The following N4BP1 variants were observed in gnomAD, a reference collection of about 807,000 sequenced individuals.
N4BP1 encodes the protein NEDD4 binding protein 1, also known as NEDD4-binding protein 1.
In N4BP1, 21 loss-of-function variants were observed where a neutral mutation model predicts 70.9. The observed-to-expected ratio is 0.30, with a 90% CI of 0.21 to 0.43. The LOEUF (loss-of-function observed/expected upper bound fraction) is 0.43, where lower values mean the gene tolerates loss of function less well. Ranked by LOEUF, N4BP1 falls within the 20% of genes least tolerant of loss-of-function variation. The pLI is 1.00. For synonymous variants in N4BP1, 387 were observed against 394.6 expected (o/e 0.98, Z 0.23); for missense variants, 936 against 1,069.4 (o/e 0.88, Z 1.74).
intron 1 of N4BP1, among the ~76,000 whole-genome samples, chr16:48,563,045 G>A (rs1344255678): frequency 6.6e-6 from 1 of 151,722 alleles, no homozygotes; most frequent in Non-Finnish European, 1.5e-5. Flanking sequence ...GTTTTCTAAA[G>A]AAAACCAGAC....
intron 1 of N4BP1, among the ~76,000 whole-genome samples, chr16:48,600,921 A>AGG (rs757057323): frequency 2.0e-5 from 3 of 152,252 alleles, no homozygotes; most frequent in African/African-American, 4.8e-5. Context: ...CAATTGGATA[A>AGG]TGGCACTAGG....
chr16:48,602,991 C>T (rs1167890929), intron 1 of N4BP1, among the ~76,000 whole-genome samples: 1 of 151,844 alleles, frequency 6.6e-6, no homozygotes, highest in Non-Finnish European at 1.5e-5. Context: ...CACACACACA[C>T]ACGCACGCAC....
At chr16:48,553,513 A>G (rs769064270) in intron 3 of N4BP1, 26 bp downstream of exon 3, 1 of 1,522,402 alleles carries the variant, frequency 6.6e-7, no homozygotes. Flanking sequence ...TTTCACTAGA[A>G]ATCTGAAAAA....
chr16:48,601,319 T>C (rs1252916171), intron 1 of N4BP1, among the ~76,000 whole-genome samples: 1 of 152,228 alleles, frequency 6.6e-6, no homozygotes, highest in African/African-American at 2.4e-5. Flanking sequence ...GAACAAACTT[T>C]ATTTTTCTAG....
chr16:48,609,021 C>G (rs1300049435), intron 1 of N4BP1, among the ~76,000 whole-genome samples: 2 of 149,348 alleles, frequency 1.3e-5, no homozygotes, highest in South Asian at 2.2e-4. Flanking sequence ...TCGAGACCTG[C>G]CCGGGCAACA....
At position 48,561,031 on chromosome 16, in the gene N4BP1, T is replaced by G. The variant is rs200098399; in HGVS notation, c.1612A>C (p.Met538Leu). 6.2e-7 allele frequency: 1 copy of G among 1,614,002 alleles called. No homozygotes were observed. The highest frequency in any genetic ancestry group is 8.5e-7 in the Non-Finnish European group (1 of 1,179,880). Residue 538 changes from methionine (M) to leucine (L), a missense_variant, in exon 2 of 7, where the codon ATG (methionine) becomes CTG (leucine). Physicochemically the swap from Met to Leu is conservative, Grantham distance 15. Transcript: ENST00000262384. ...AAACGTTTTTCACAGGCAGATTTCA[T>G]ATTATTTGGAAGCAAGGGTTCTGGC... ...QQPEPLLPNN[M>L]KSACEKRLGC... is the part of the protein sequence containing the mutation.
At chr16:48,606,367 T>C (rs1277555618) in intron 1 of N4BP1, among the ~76,000 whole-genome samples, 2 of 152,208 alleles carry the variant, frequency 1.3e-5, no homozygotes, top group Non-Finnish European at 2.9e-5. Context: ...CTTCTCAAAA[T>C]CCTCACTGAC....
intron 1 of N4BP1, among the ~76,000 whole-genome samples, chr16:48,565,394 T>C (rs1963927047): frequency 1.3e-5 from 2 of 152,308 alleles, no homozygotes; most frequent in Middle Eastern, 3.4e-3. Flanking sequence ...ACTCCATCAA[T>C]TGATATAATC....
chr16:48,556,636 C>A (rs1324210735), intron 2 of N4BP1, among the ~76,000 whole-genome samples: 1 of 152,042 alleles, frequency 6.6e-6, no homozygotes, highest in Non-Finnish European at 1.5e-5. Context: ...TGGTTGTTTG[C>A]CATATTATAG....
chr16:48,600,257 T>G (rs1271568287), intron 1 of N4BP1: 2 of 1,007,878 alleles, frequency 2.0e-6, no homozygotes, highest in Non-Finnish European at 3.1e-6. Flanking sequence ...TCAGATTTTG[T>G]AAATCTAAAT....
chr16:48,564,166 G>A (rs548682321), intron 1 of N4BP1, among the ~76,000 whole-genome samples: 150 of 152,224 alleles, frequency 9.9e-4, no homozygotes, highest in Admixed American at 3.2e-3. Context: ...TTTTCTCCTG[G>A]TCTGTAGTTT....
intron 2 of N4BP1, among the ~76,000 whole-genome samples, chr16:48,554,272 CTCTGTCAT>C (rs1963719732): frequency 6.6e-6 from 1 of 152,030 alleles, no homozygotes; most frequent in Non-Finnish European, 1.5e-5. Flanking sequence ...GCCACACAGT[CTCTGTCAT>C]ACCACCCAAC....
chr16:48,546,058 A>AT lies in N4BP1; in HGVS notation c.2333+88dup, dbSNP rs369838494. On this transcript the variant is annotated intron_variant, in intron 6 of 6. Coordinates refer to ENST00000262384, the MANE Select transcript of N4BP1 (RefSeq NM_153029.4). ...AAAAAAAAATAATTTTTTTAATGTCATTTTTAGTCTATAAAGACAGCACTT... is the reference window on the plus strand; with the variant it reads ...AAAAAAAAATAATTTTTTTAATGTCATTTTTTAGTCTATAAAGACAGCACTT... 6.4e-6 allele frequency: 5 copies of AT among 776,932 alleles called. No homozygotes were observed. The Admixed American group carries it at 1.2e-4, about 18-fold the overall frequency. The allele number at this position is 776,932 out of a possible 1,614,324, so 48.1% of individuals were successfully genotyped here.
At chr16:48,578,959 T>C (rs553654924) in intron 1 of N4BP1, among the ~76,000 whole-genome samples, 2 of 152,340 alleles carry the variant, frequency 1.3e-5, no homozygotes, top group South Asian at 2.1e-4. Context: ...CATTTAACTA[T>C]GGTTCTCAGC....
intron 1 of N4BP1, among the ~76,000 whole-genome samples, chr16:48,580,851 T>G (rs1006011076): frequency 6.6e-6 from 1 of 152,140 alleles, no homozygotes; most frequent in African/African-American, 2.4e-5. Context: ...ACATTTACAT[T>G]GTATAAGGCA....
intron 4 of N4BP1, among the ~76,000 whole-genome samples, chr16:48,550,508 C>G (rs1176630419): frequency 2.0e-5 from 3 of 151,916 alleles, no homozygotes; most frequent in South Asian, 2.1e-4. Flanking sequence ...CAGTGAAACT[C>G]TATCTCAAAA....
chr16:48,607,956 G>C (rs1964609155), intron 1 of N4BP1, among the ~76,000 whole-genome samples: 1 of 152,192 alleles, frequency 6.6e-6, no homozygotes, highest in South Asian at 2.1e-4. Context: ...CTGCCTTCCG[G>C]GTTCAAGCGA....
chr16:48,583,569 C>G (rs985044532), intron 1 of N4BP1, among the ~76,000 whole-genome samples: 1 of 152,202 alleles, frequency 6.6e-6, no homozygotes, highest in Non-Finnish European at 1.5e-5. Flanking sequence ...CCACAAAAAT[C>G]ACATCTATGT....
intron 1 of N4BP1, among the ~76,000 whole-genome samples, chr16:48,605,585 T>G (rs890254265): frequency 1.3e-5 from 2 of 152,186 alleles, no homozygotes; most frequent in Non-Finnish European, 2.9e-5. Flanking sequence ...CAATGCCCTC[T>G]TATAAGGACT....
Sources: gnomAD v4.1 joint callset for allele counts (sites outside exome capture counted in the v4.1 genomes callset) on GRCh38, gnomAD v4.1.1 for gene constraint, MANE v1.5 for transcripts, NCBI Gene and HGNC (gene_info 2026-07-23, HGNC 2026-07-21) for gene names.